The following FCER2 variants were observed in gnomAD, a reference collection of about 807,000 sequenced individuals.
FCER2 encodes the protein low affinity immunoglobulin epsilon Fc receptor.
In FCER2, 38 loss-of-function variants were observed where a neutral mutation model predicts 49.7. That is an observed-to-expected ratio of 0.76 (90% CI 0.59 to 1.00). The LOEUF (loss-of-function observed/expected upper bound fraction) is 1.00, where lower values mean the gene tolerates loss of function less well. Ranked by LOEUF, FCER2 falls within the 50% of genes least tolerant of loss-of-function variation. FCER2 has a pLI of 0.00. For synonymous variants in FCER2, 163 were observed against 164.6 expected (o/e 0.99, Z 0.07); for missense variants, 425 against 419.5 (o/e 1.01, Z -0.11).
At chr19:7,689,953 C>T (rs2032813356) in intron 10 of FCER2, among the ~76,000 whole-genome samples, 2 of 152,088 alleles carry the variant, frequency 1.3e-5, no homozygotes, top group Admixed American at 6.6e-5. Flanking sequence ...GAACTTCCTC[C>T]CTGAGCCCCT....
chr19:7,697,005 A>G lies in FCER2; in HGVS notation c.379+8T>C, dbSNP rs987252022. The G allele has an allele frequency of 6.3e-7, 1 of 1,584,894 alleles. No homozygotes were observed. The highest frequency in any genetic ancestry group is 1.8e-5 in the Admixed American group (1 of 55,330). On this transcript the variant is annotated splice_region_variant and intron_variant, in intron 7 of 10. Transcript: ENST00000597921. ...TCCCCCACTGCCCCATCCCCTCCCAAGCCTCACCCTGGGACTTGAAGCTGC... is the reference window on the plus strand; with the variant it reads ...TCCCCCACTGCCCCATCCCCTCCCAGGCCTCACCCTGGGACTTGAAGCTGC...
chr19:7,699,588 G>T, intron 2 of FCER2, 151 bp downstream of exon 2: 1 of 1,163,592 alleles, frequency 8.6e-7, no homozygotes, highest in South Asian at 1.4e-5. Flanking sequence ...AAGTCAGTCC[G>T]GCCTCACCTC....
intron 4 of FCER2, among the ~76,000 whole-genome samples, 197 bp downstream of exon 4, chr19:7,698,159 C>A (rs7249320): frequency 0.29 from 44,056 of 152,064 alleles, 7,086 homozygotes; most frequent in African/African-American, 0.44. Context: ...CCATTGCAAG[C>A]GGAAGAGCAT....
intron 1 of FCER2, among the ~76,000 whole-genome samples, chr19:7,701,213 A>C (rs1453670762): frequency 6.6e-6 from 1 of 152,088 alleles, no homozygotes; most frequent in Non-Finnish European, 1.5e-5. Context: ...GCTTGACTAT[A>C]GGTAAGTCCC....
chr19:7,697,093 G>A lies in FCER2; in HGVS notation c.317-18C>T, dbSNP rs781493170. ...CTCCAAGTCTGGTGTGTGCAGGAGC[G>A]CAGGGCTGGTCTCAGGGAGGATGTG... On this transcript the variant is annotated intron_variant, in intron 6 of 10. Coordinates refer to ENST00000597921, the MANE Select transcript of FCER2 (RefSeq NM_001220500.2). 12 of 1,613,218 alleles carry A rather than the reference G, an allele frequency of 7.4e-6. No individual in the cohort carries two copies. Among genetic ancestry groups the A allele is most frequent in the South Asian group, 5.5e-5 (5 of 91,008 alleles).
intron 8 of FCER2, among the ~76,000 whole-genome samples, chr19:7,691,180 C>T (rs1251091232): frequency 6.6e-6 from 1 of 152,200 alleles, no homozygotes; most frequent in Non-Finnish European, 1.5e-5. Flanking sequence ...AGCCCCTCAA[C>T]CGTCAACACC....
At chr19:7,698,885 G>A (rs1292147243) in intron 2 of FCER2, 31 bp from the exon 3 acceptor site, 1 of 1,553,260 alleles carries the variant, frequency 6.4e-7, no homozygotes, top group South Asian at 1.2e-5. Context: ...GACTATGGGT[G>A]CAGGGTGAAG....
chr19:7,701,043 C>T (rs1479311728), intron 1 of FCER2, among the ~76,000 whole-genome samples: 1 of 152,130 alleles, frequency 6.6e-6, no homozygotes, highest in Non-Finnish European at 1.5e-5. Context: ...CTCCTGACCA[C>T]AGGTGATCTG....
At chr19:7,695,592 A>G (rs2032989444) in intron 8 of FCER2, among the ~76,000 whole-genome samples, 1 of 151,694 alleles carries the variant, frequency 6.6e-6, no homozygotes, top group Admixed American at 6.6e-5. Flanking sequence ...CCTGGGCAAC[A>G]TAGCGAGATC....
At position 7,696,911 on chromosome 19, in the gene FCER2, A is replaced by G; in HGVS notation, c.383T>C (p.Leu128Ser). ...ATCTGAAGCTTCGTTCCTCTCGTTC[A>G]ATTCTTGGGGAGTCAACAAGGGGCG... ...ADLSSFKSQE[L>S]NERNEASDLL... The change falls in exon 8 of 11, where the codon TTG (leucine) becomes TCG (serine). Residue 128 changes from leucine (L) to serine (S), a missense_variant. By Grantham distance (145) the Leu-to-Ser change is moderately radical. Coordinates refer to ENST00000597921, the MANE Select transcript of FCER2 (RefSeq NM_001220500.2). 2.5e-6 allele frequency: 4 copies of G among 1,580,666 alleles called. No individual in the cohort carries two copies. The highest frequency in any genetic ancestry group is 3.4e-6 in the Non-Finnish European group (4 of 1,162,444).
chr19:7,695,242 C>T (rs890090368), intron 8 of FCER2, among the ~76,000 whole-genome samples: 18 of 152,252 alleles, frequency 1.2e-4, no homozygotes, highest in Admixed American at 3.3e-4. Flanking sequence ...GGGAAAGAGG[C>T]CACCATCTCC....
chr19:7,692,615 A>C (rs1331354796), intron 8 of FCER2, among the ~76,000 whole-genome samples: 1 of 138,180 alleles, frequency 7.2e-6, no homozygotes, highest in East Asian at 2.1e-4. Context: ...AGCCAGCAGA[A>C]CGCCAGTCAC....
intron 2 of FCER2, 51 bp from the exon 3 acceptor site, chr19:7,698,905 G>T: frequency 6.5e-7 from 1 of 1,535,342 alleles, no homozygotes; most frequent in Non-Finnish European, 8.8e-7. Context: ...GCTGGATGCT[G>T]GCCCTGTCCG....
chr19:7,695,410 C>G (rs1311848730), intron 8 of FCER2, among the ~76,000 whole-genome samples: 1 of 152,206 alleles, frequency 6.6e-6, no homozygotes, highest in East Asian at 1.9e-4. Context: ...AGGGTCAACA[C>G]TGGACTGCTT....
intron 1 of FCER2, among the ~76,000 whole-genome samples, chr19:7,700,476 T>C (rs1238975655): frequency 6.6e-6 from 1 of 152,080 alleles, no homozygotes; most frequent in African/African-American, 2.4e-5. Context: ...CCTCTGCCAA[T>C]GTCCCCAGGG....
At position 7,697,041 on chromosome 19, in the gene FCER2, T is replaced by C. The variant is rs370372077; in HGVS notation, c.351A>G (p.Gln117=). The stretch of plus-strand genomic sequence containing the variant: ...GGGACTTGAAGCTGCTCAGATCTGC[T>C]TGAAGCCCGTTCAGGTTCCAGGACA... The part of the protein sequence containing the change: ...LELSWNLNGL[Q]ADLSSFKSQE... The change falls in exon 7 of 11, where the codon CAA becomes CAG. Residue 117 remains glutamine, a synonymous_variant. Transcript: ENST00000597921. The C allele has an allele frequency of 1.6e-5, 25 of 1,610,554 alleles. No homozygotes were observed. Among genetic ancestry groups the C allele is most frequent in the Non-Finnish European group, 2.0e-5 (24 of 1,178,490 alleles).
At position 7,699,754 on chromosome 19, in the gene FCER2, C is replaced by T. The variant is rs1379241239; in HGVS notation, c.7G>A (p.Glu3Lys). Residue 3 changes from glutamate (E) to lysine (K), a missense_variant, in exon 2 of 11, where the codon GAA becomes AAA. By Grantham distance (56) the Glu-to-Lys change is moderately conservative. Transcript: ENST00000597921. ME[E>K]GQYSEIEELP... ...GTCCTCCTACCTGAATATTGACCTT[C>T]CTCCATGGCGGTCCTGCTTGGATTC... The T allele has an allele frequency of 1.2e-6, 2 of 1,613,890 alleles. No homozygotes were observed. Among genetic ancestry groups the T allele is most frequent in the Non-Finnish European group, 1.7e-6 (2 of 1,179,922 alleles).
chr19:7,700,412 T>C (rs1214561132), intron 1 of FCER2, among the ~76,000 whole-genome samples: 1 of 152,200 alleles, frequency 6.6e-6, no homozygotes. Flanking sequence ...ATCTACTCTG[T>C]GCCACGTCCC....
chr19:7,698,936 C>G, intron 2 of FCER2, 82 bp from the exon 3 acceptor site: 3 of 1,443,398 alleles, frequency 2.1e-6, no homozygotes, highest in South Asian at 2.5e-5. Context: ...ACCCAGAGCC[C>G]CCGACAGCCT....
Sources: gnomAD v4.1 joint callset for allele counts (sites outside exome capture counted in the v4.1 genomes callset) on GRCh38, gnomAD v4.1.1 for gene constraint, MANE v1.5 for transcripts, NCBI Gene and HGNC (gene_info 2026-07-23, HGNC 2026-07-21) for gene names.